The following GMPS variants were observed in gnomAD, a reference collection of about 807,000 sequenced individuals.
The protein encoded by GMPS is guanosine monophosphate synthase.
Under a neutral mutation model 77.9 loss-of-function variants are expected in GMPS, and 15 were observed. The ratio of observed to expected loss-of-function variants is 0.19; its 90% CI spans 0.13 to 0.30. The LOEUF (loss-of-function observed/expected upper bound fraction) is 0.30, where lower values mean the gene tolerates loss of function less well. GMPS is among the 10% of genes least tolerant of loss of function. The pLI is 1.00. For missense variants in GMPS, 590 were observed against 838.8 expected, an observed-to-expected ratio of 0.70 and a Z score of 3.66; for synonymous variants, 224 against 275.9, an observed-to-expected ratio of 0.81 and a Z score of 1.86.
At chr3:155,889,636 G>A (rs998684903) in intron 1 of GMPS, among the ~76,000 whole-genome samples, 2 of 152,108 alleles carry the variant, frequency 1.3e-5, no homozygotes, top group African/African-American at 2.4e-5. Context: ...CTATCTAGTT[G>A]TTCAGTAATT....
Position 155,870,907 on chromosome 3 carries a change from G to A in GMPS, c.27+10G>A. 6.7e-7 allele frequency: 1 copy of A among 1,500,194 alleles called. No individual in the cohort carries two copies. Among genetic ancestry groups the A allele is most frequent in the Non-Finnish European group, 8.9e-7 (1 of 1,127,876 alleles). 92.9% of individuals were successfully genotyped at this position (1,500,194 alleles called of 1,614,324 possible). ...CAACGGAGACTCCAAGGTCAGCGTG[G>A]GGGTCCCTGCAGCACCGCATCCCGG... On this transcript the variant is annotated intron_variant, in intron 1 of 15. Transcript: ENST00000496455.
rs1755836844 is a variant in GMPS, at chr3:155,939,398, C to G, written c.*1706C>G. The G allele has an allele frequency of 4.9e-6, 1 of 205,920 alleles. No individual in the cohort carries two copies. 12.8% of individuals were successfully genotyped at this position (205,920 alleles called of 1,614,324 possible). On this transcript the variant is annotated 3_prime_UTR_variant, in exon 16 of 16. Transcript: ENST00000496455. ...AGTGTCTTATGATTTTGTATTGAAGCAAACAGTAGGAATTTTGGAAAAATA... is the reference window on the plus strand; with the variant it reads ...AGTGTCTTATGATTTTGTATTGAAGGAAACAGTAGGAATTTTGGAAAAATA...
In GMPS at chr3:155,938,197, C is replaced by T. The variant is rs1393204170; in HGVS notation, c.*505C>T. Reference sequence around the variant, plus strand: ...CAGATAAAGGTATAGGTGGGCTATTCCAGCCACTTTTGAAGGACACTGAGG... The same window carrying T: ...CAGATAAAGGTATAGGTGGGCTATTTCAGCCACTTTTGAAGGACACTGAGG... On this transcript the variant is annotated 3_prime_UTR_variant, in exon 16 of 16. Transcript: ENST00000496455. 2.7e-5 allele frequency: 6 copies of T among 221,724 alleles called. No individual in the cohort carries two copies. The highest frequency in any genetic ancestry group is 4.5e-5 in the Non-Finnish European group (5 of 110,888). The allele number at this position is 221,724 out of a possible 1,614,324, so 13.7% of individuals were successfully genotyped here.
rs58365650 is a variant in GMPS at position 155,873,638 on chromosome 3, C to CTTTTTTTTTTTTTTTTTTT, written c.27+2755_27+2756insTTTTTTTTTTTTTTTTTTT. On this transcript the variant is annotated intron_variant, in intron 1 of 15. Coordinates refer to ENST00000496455, the MANE Select transcript of GMPS (RefSeq NM_003875.3). ...TGTCGTTAGGTTACATGAGTAAGTT[C>CTTTTTTTTTTTTTTTTTTT]TTTTTTTTTTTTTTGAGATGGAGTC... 5.6e-4 allele frequency among the ~76,000 whole-genome samples: 46 copies of CTTTTTTTTTTTTTTTTTTT among 82,530 alleles called. 12 individuals are homozygous for CTTTTTTTTTTTTTTTTTTT. The highest frequency in any genetic ancestry group is 7.4e-4 in the Admixed American group (4 of 5,414). 54.1% of individuals were successfully genotyped at this position (82,530 alleles called of 152,430 possible).
intron 8 of GMPS, 48 bp from the exon 9 acceptor site, chr3:155,915,971 T>TA: frequency 1.6e-5 from 22 of 1,369,382 alleles, no homozygotes; most frequent in Non-Finnish European, 2.2e-5. Flanking sequence ...CTTTTGCTTT[T>TA]AAAAAAAGTT....
intron 1 of GMPS, among the ~76,000 whole-genome samples, chr3:155,885,837 T>A (rs1042383002): frequency 2.0e-5 from 3 of 152,238 alleles, no homozygotes; most frequent in Admixed American, 6.5e-5. Context: ...TTCTATGTTT[T>A]GAGAGAATCT....
chr3:155,873,791 T>C (rs960931988), intron 1 of GMPS, among the ~76,000 whole-genome samples: 7 of 151,832 alleles, frequency 4.6e-5, no homozygotes, highest in South Asian at 4.2e-4. Context: ...CCCGCCACCA[T>C]GCCTAGCTAA....
chr3:155,890,489 C>CTA (rs1754439275), intron 1 of GMPS, among the ~76,000 whole-genome samples: 1 of 151,912 alleles, frequency 6.6e-6, no homozygotes. Flanking sequence ...AATAGTAAAA[C>CTA]TACTGTTTAC....
At chr3:155,927,845 T>G (rs75538033) in intron 12 of GMPS, among the ~76,000 whole-genome samples, 64 of 152,250 alleles carry the variant, frequency 4.2e-4, no homozygotes, top group Non-Finnish European at 7.1e-4. Context: ...TTTCTGTGCC[T>G]TTCCAAGTAG....
At chr3:155,883,181 C>G (rs537447766) in intron 1 of GMPS, among the ~76,000 whole-genome samples, 2 of 152,272 alleles carry the variant, frequency 1.3e-5, no homozygotes, top group Admixed American at 6.5e-5. Flanking sequence ...AAGCCATTCT[C>G]ATGCCTCAGG....
chr3:155,886,349 G>A (rs1455790970), intron 1 of GMPS, among the ~76,000 whole-genome samples: 1 of 151,024 alleles, frequency 6.6e-6, no homozygotes, highest in African/African-American at 2.4e-5. Context: ...GCCGAGGCGG[G>A]TGGATCATGA....
At chr3:155,893,815 A>G in intron 2 of GMPS, 116 bp downstream of exon 2, 1 of 593,670 alleles carries the variant, frequency 1.7e-6, no homozygotes, top group South Asian at 3.2e-5. Context: ...GAATGGTTTT[A>G]TGAGAAATTT....
At chr3:155,925,400 CT>C (rs200488171) in intron 12 of GMPS, 34 bp downstream of exon 12, 107,786 of 1,169,514 alleles carry the variant, frequency 0.092, 2 homozygotes, top group Middle Eastern at 0.097. Flanking sequence ...CAGTGATATA[CT>C]TTTTTTTTTT....
At chr3:155,913,924 G>A (rs1346271848) in intron 7 of GMPS, among the ~76,000 whole-genome samples, 1 of 151,832 alleles carries the variant, frequency 6.6e-6, no homozygotes, top group African/African-American at 2.4e-5. Flanking sequence ...TGTTACTCAG[G>A]ATTTATTGAT....
chr3:155,925,084 G>C (rs751612906), intron 11 of GMPS, among the ~76,000 whole-genome samples, 157 bp from the exon 12 acceptor site: 1 of 152,168 alleles, frequency 6.6e-6, no homozygotes, highest in Admixed American at 6.5e-5. Context: ...CCTCAGGTGT[G>C]AATTTCTGGC....
At chr3:155,912,723 C>T (rs2108106370) in intron 7 of GMPS, among the ~76,000 whole-genome samples, 1 of 152,270 alleles carries the variant, frequency 6.6e-6, no homozygotes, top group African/African-American at 2.4e-5. Flanking sequence ...AAACTTGGAT[C>T]TGTCCCTGGT....
At chr3:155,924,380 G>A (rs1755400121) in intron 11 of GMPS, among the ~76,000 whole-genome samples, 1 of 152,186 alleles carries the variant, frequency 6.6e-6, no homozygotes, top group African/African-American at 2.4e-5. Context: ...TTGTTTATTA[G>A]AAAATGTGTA....
chr3:155,920,498 C>T (rs28438758), intron 10 of GMPS, among the ~76,000 whole-genome samples: 28,049 of 150,302 alleles, frequency 0.19, 2,808 homozygotes, highest in South Asian at 0.26. Flanking sequence ...TCGCTTGAAC[C>T]CGGGAGGCAG....
intron 2 of GMPS, among the ~76,000 whole-genome samples, chr3:155,894,324 G>A (rs1052605096): frequency 6.6e-6 from 1 of 152,170 alleles, no homozygotes; most frequent in East Asian, 1.9e-4. Flanking sequence ...CCCAGGTTCA[G>A]GTGATGCTCC....
Sources: allele counts gnomAD v4.1 joint callset (sites outside exome capture counted in the v4.1 genomes callset), GRCh38; gene constraint gnomAD v4.1.1; transcripts MANE v1.5; gene names NCBI Gene and HGNC (gene_info 2026-07-23, HGNC 2026-07-21).